ATP12A: variants seen among roughly 807,000 people sequenced by gnomAD.
ATP12A encodes the protein potassium-transporting ATPase alpha chain 2.
A neutral mutation model predicts 111.2 loss-of-function variants in ATP12A; 81 were observed. The ratio of observed to expected loss-of-function variants is 0.73; its 90% CI spans 0.61 to 0.88. The LOEUF (loss-of-function observed/expected upper bound fraction) is 0.88, where lower values mean the gene tolerates loss of function less well. ATP12A is among the 40% of genes least tolerant of loss of function. The pLI is 0.00. For synonymous variants in ATP12A, 498 were observed against 499.8 expected (o/e 1.00, Z 0.05); for missense variants, 1,196 against 1,313.1 (o/e 0.91, Z 1.38).
intron 11 of ATP12A, among the ~76,000 whole-genome samples, chr13:24,697,639 CAA>C (rs67009964): frequency 0.3 from 29,024 of 96,070 alleles, 2,527 homozygotes; most frequent in East Asian, 0.43. Flanking sequence ...GACCCCGTCT[CAA>C]AAAAAAAAAA....
At position 24,694,478 on chromosome 13, in the gene ATP12A, T is replaced by C. The variant is rs747052810; in HGVS notation, c.1412T>C (p.Leu471Pro). ...AVIGDASETA[L>P]LKFSEVILGD... is the part of the protein sequence containing the mutation. ...ATTGGAGATGCCTCAGAAACTGCTC[T>C]TTTAAAATTCTCAGAGGTCATTTTG... Residue 471 changes from leucine (L) to proline (P), a missense_variant, in exon 11 of 23, where the codon CTT becomes CCT. Around this residue, in one of 3 missense-constraint regions of ATP12A, gnomAD observed 1,126 missense variants for 1,228.5 expected, o/e 0.92. Coordinates refer to ENST00000381946, the MANE Select transcript of ATP12A (RefSeq NM_001676.7). The C allele has an allele frequency of 6.2e-7, 1 of 1,614,136 alleles. No homozygotes were observed. Among genetic ancestry groups the C allele is most frequent in the Non-Finnish European group, 8.5e-7 (1 of 1,180,008 alleles).
rs1218368830 is a variant in ATP12A at position 24,681,735 on chromosome 13, G to A, written c.168+15G>A. The A allele has an allele frequency of 5.0e-6, 8 of 1,613,884 alleles. No homozygotes were observed. Among genetic ancestry groups the A allele is most frequent in the Non-Finnish European group, 6.8e-6 (8 of 1,179,978 alleles). Reference sequence around the variant, plus strand: ...AACTCCATCTGGTCAGTAGCCTTAAGCCACGGGGTCCTGCCGGCTATGGCC... The same window carrying A: ...AACTCCATCTGGTCAGTAGCCTTAAACCACGGGGTCCTGCCGGCTATGGCC... On this transcript the variant is annotated intron_variant, in intron 2 of 22. Coordinates refer to ENST00000381946, the MANE Select transcript of ATP12A (RefSeq NM_001676.7).
In ATP12A at chr13:24,690,361, C is replaced by G. The variant is rs201682500; in HGVS notation, c.570C>G (p.Ser190=). The change falls in exon 6 of 23, where the codon TCC becomes TCG. Residue 190 remains serine (S), a synonymous_variant. Coordinates refer to ENST00000381946, the MANE Select transcript of ATP12A (RefSeq NM_001676.7). ...AGCAAGCTCTCGTCATCCGAGATTC[C>G]GAGAAGAAGACCATCCCTTCAGAGC... The part of the protein sequence containing the change: ...IPQQALVIRD[S]EKKTIPSEQL... 6 of 1,613,154 alleles carry G rather than the reference C, an allele frequency of 3.7e-6. No individual in the cohort carries two copies. The East Asian group carries it at 6.7e-5, about 18-fold the overall frequency.
intron 4 of ATP12A, 69 bp from the exon 5 acceptor site, chr13:24,689,193 G>T: frequency 1.6e-6 from 2 of 1,250,426 alleles, no homozygotes; most frequent in South Asian, 2.4e-5. Flanking sequence ...CCCGTGGAGA[G>T]CTCTAGCCCC....
chr13:24,708,964 G>GAAAGAAA lies in ATP12A; in HGVS notation c.2494-400_2494-399insAAAGAAA, dbSNP rs1566078416. ...AAGAAAGAAAGAAAGAAAGAAAGAA[G>GAAAGAAA]GAAAGAGAAAGAGAAATGAATGCAA... On this transcript the variant is annotated intron_variant, in intron 17 of 22. Transcript: ENST00000381946. Among the ~76,000 whole-genome samples, 124 of 114,814 alleles carry GAAAGAAA rather than the reference G, an allele frequency of 1.1e-3. 7 individuals are homozygous for GAAAGAAA. Among genetic ancestry groups the GAAAGAAA allele is most frequent in the South Asian group, 4.1e-3 (12 of 2,954 alleles). 75.3% of individuals were successfully genotyped at this position (114,814 alleles called of 152,430 possible).
In ATP12A at chr13:24,707,329, A is replaced by C; in HGVS notation, c.2389A>C (p.Lys797Gln). The change falls in exon 17 of 23, where the codon AAG (lysine) becomes CAG (glutamine). Residue 797 changes from lysine (K) to glutamine (Q), a missense_variant. Lys to Gln is a moderately conservative substitution (Grantham distance 53). Around this residue, in one of 3 missense-constraint regions of ATP12A, gnomAD observed 1,126 missense variants for 1,228.5 expected, o/e 0.92. Coordinates refer to ENST00000381946, the MANE Select transcript of ATP12A (RefSeq NM_001676.7). ...LKKTIAYSLT[K>Q]NIAELCPFLI... ...GAAGACTATTGCTTATTCCCTGACC[A>C]AGAACATTGCCGAGCTGTGCCCCTT... is the stretch of plus-strand genomic sequence containing the variant. The C allele has an allele frequency of 6.2e-7, 1 of 1,614,202 alleles. No individual in the cohort carries two copies. The highest frequency in any genetic ancestry group is 8.5e-7 in the Non-Finnish European group (1 of 1,180,030).
chr13:24,707,223 C>T (rs1593143693), intron 16 of ATP12A, 32 bp downstream of exon 16: 14 of 1,613,216 alleles, frequency 8.7e-6, no homozygotes, highest in Non-Finnish European at 1.1e-5. Context: ...TTCCCAAGGG[C>T]CAGGGTGGTC....
chr13:24,696,910 T>C (rs1875192711), intron 11 of ATP12A, among the ~76,000 whole-genome samples: 1 of 152,140 alleles, frequency 6.6e-6, no homozygotes, highest in Admixed American at 6.5e-5. Context: ...GGAAATAAAA[T>C]GGAAAGCCTG....
Position 24,700,882 on chromosome 13 carries a change from T to A in ATP12A, c.1841T>A (p.Val614Glu), listed in dbSNP as rs1409424618. ...LSMIDPPRST[V>E]PDAVTKCRSA... ...ATGATCGATCCCCCTCGGTCCACCG[T>A]GCCAGATGCAGTCACCAAATGCCGG... Residue 614 changes from valine (V) to glutamate (E), a missense_variant, in exon 13 of 23, where the codon GTG becomes GAG. Transcript: ENST00000381946. 1 of 1,614,080 alleles carries A rather than the reference T, an allele frequency of 6.2e-7. No homozygotes were observed. The highest frequency in any genetic ancestry group is 8.5e-7 in the Non-Finnish European group (1 of 1,180,034).
At chr13:24,682,047 G>A (rs1010549004) in intron 2 of ATP12A, among the ~76,000 whole-genome samples, 4 of 123,824 alleles carry the variant, frequency 3.2e-5, no homozygotes, top group East Asian at 2.5e-4. Flanking sequence ...TATGTGTGTG[G>A]TGTGTGTGTA....
At chr13:24,693,067 T>C (rs1434934007) in intron 10 of ATP12A, among the ~76,000 whole-genome samples, 171 bp downstream of exon 10, 1 of 152,222 alleles carries the variant, frequency 6.6e-6, no homozygotes, top group African/African-American at 2.4e-5. Flanking sequence ...GCACACTAGC[T>C]TTGAGAATAC....
chr13:24,690,215 T>C, intron 5 of ATP12A, 123 bp from the exon 6 acceptor site: 1 of 1,455,852 alleles, frequency 6.9e-7, no homozygotes, highest in Non-Finnish European at 9.3e-7. Context: ...CAGCATGGAC[T>C]CAACAGTGAG....
chr13:24,681,849 GTGTGTGGTGTCTGCGTGGTGTGTC>G (rs1779589793), intron 2 of ATP12A, 129 bp downstream of exon 2: 2 of 1,256,530 alleles, frequency 1.6e-6, no homozygotes, highest in East Asian at 2.5e-5. Context: ...ATTGTGTGTG[GTGTGTGGTGTCTGCGTGGTGTGTC>G]TGTGTGGTGT....
intron 2 of ATP12A, among the ~76,000 whole-genome samples, chr13:24,684,943 C>T (rs1874616675): frequency 6.6e-6 from 1 of 152,182 alleles, no homozygotes; most frequent in South Asian, 2.1e-4. Context: ...CCAGCCAATC[C>T]CAGGGTTCAG....
rs774955395 is a variant in ATP12A, at chr13:24,688,426, G to C, written c.336G>C (p.Val112=). 4.3e-6 allele frequency: 7 copies of C among 1,613,954 alleles called. No individual in the cohort carries two copies. The highest frequency in any genetic ancestry group is 2.2e-5 in the East Asian group (1 of 44,872). The change falls in exon 4 of 23, where the codon GTG becomes GTC. Residue 112 remains valine, a synonymous_variant. Transcript: ENST00000381946. The part of the protein sequence containing the change: ...PEIVKFLKQM[V]GGFSILLWVG... ...TCGTCAAGTTCCTCAAGCAGATGGT[G>C]GGGGGGTTCTCTATCCTCCTGTGGG...
At chr13:24,690,505 A>G (rs1386309941) in intron 6 of ATP12A, 33 bp downstream of exon 6, 2 of 1,611,684 alleles carry the variant, frequency 1.2e-6, no homozygotes, top group South Asian at 2.2e-5. Context: ...CCCAAGGACC[A>G]TGTTCCAAAC....
chr13:24,689,149 T>C (rs1874775745), intron 4 of ATP12A, 113 bp from the exon 5 acceptor site: 1 of 815,804 alleles, frequency 1.2e-6, no homozygotes, highest in Non-Finnish European at 2.0e-6. Flanking sequence ...GGCCTGTAAA[T>C]TATACCAGGG....
At chr13:24,681,464 C>A in intron 1 of ATP12A, 98 bp from the exon 2 acceptor site, 3 of 1,388,104 alleles carry the variant, frequency 2.2e-6, no homozygotes, top group Non-Finnish European at 2.9e-6. Context: ...GGAGAAGGGG[C>A]TCCTGACTCC....
intron 11 of ATP12A, among the ~76,000 whole-genome samples, chr13:24,694,982 G>T (rs1380669437): frequency 6.6e-6 from 1 of 152,178 alleles, no homozygotes; most frequent in African/African-American, 2.4e-5. Flanking sequence ...CCGAACACCT[G>T]CTCCTCTCAC....
Sources: allele counts gnomAD v4.1 joint callset (sites outside exome capture counted in the v4.1 genomes callset), GRCh38; gene constraint gnomAD v4.1.1; regional missense constraint gnomAD v4.1.1; transcripts MANE v1.5; gene names NCBI Gene and HGNC (gene_info 2026-07-23, HGNC 2026-07-21).